The following TANGO6 variants were observed in gnomAD, a reference collection of about 807,000 sequenced individuals.
TANGO6 encodes transport and golgi organization 6 homolog.
A neutral mutation model predicts 114.2 loss-of-function variants in TANGO6; 90 were observed. That is an observed-to-expected ratio of 0.79 (90% CI 0.66 to 0.94). The LOEUF (loss-of-function observed/expected upper bound fraction) is 0.94. Ranked by LOEUF, TANGO6 falls within the 40% of genes least tolerant of loss-of-function variation. The pLI is 0.00. For missense variants in TANGO6, 1,274 were observed against 1,315.3 expected (o/e 0.97, Z 0.49); for synonymous variants, 477 against 509.8 (o/e 0.94, Z 0.87).
At chr16:69,010,857 T>C (rs1161503875) in intron 15 of TANGO6, among the ~76,000 whole-genome samples, 1 of 152,256 alleles carries the variant, frequency 6.6e-6, no homozygotes, top group Non-Finnish European at 1.5e-5. Flanking sequence ...AGATATTTCT[T>C]AAACTGCAGT....
At chr16:68,903,615 C>G (rs1053546182) in intron 9 of TANGO6, among the ~76,000 whole-genome samples, 2 of 59,250 alleles carry the variant, frequency 3.4e-5, no homozygotes, top group Non-Finnish European at 6.6e-5. Flanking sequence ...GAGACCATCT[C>G]AAAAAAAAAA....
chr16:68,924,613 C>A (rs540527896), intron 12 of TANGO6, among the ~76,000 whole-genome samples: 1 of 151,894 alleles, frequency 6.6e-6, no homozygotes, highest in Admixed American at 6.6e-5. Context: ...AATGGCAAAA[C>A]CCCATCTCTA....
At chr16:68,985,926 C>A (rs1963885018) in intron 15 of TANGO6, among the ~76,000 whole-genome samples, 1 of 152,044 alleles carries the variant, frequency 6.6e-6, no homozygotes, top group Non-Finnish European at 1.5e-5. Context: ...TAACCCTGAC[C>A]AGCCATCTCC....
chr16:68,962,767 A>C (rs938499422), intron 14 of TANGO6, among the ~76,000 whole-genome samples: 1 of 151,648 alleles, frequency 6.6e-6, no homozygotes. Flanking sequence ...GTCTCAAAAA[A>C]ATAATAATAA....
chr16:68,863,451 A>G (rs934667518), intron 3 of TANGO6, among the ~76,000 whole-genome samples: 2 of 152,074 alleles, frequency 1.3e-5, no homozygotes, highest in African/African-American at 4.8e-5. Flanking sequence ...CTAACAATAC[A>G]AAAAAACAAT....
At chr16:68,981,987 GGAGACAC>G (rs1963840551) in intron 15 of TANGO6, among the ~76,000 whole-genome samples, 1 of 152,180 alleles carries the variant, frequency 6.6e-6, no homozygotes, top group South Asian at 2.1e-4. Flanking sequence ...GGCAATGTCT[GGAGACAC>G]TTTTGGTTGT....
intron 14 of TANGO6, among the ~76,000 whole-genome samples, chr16:68,971,181 C>T (rs936937353): frequency 6.6e-6 from 1 of 151,476 alleles, no homozygotes; most frequent in Non-Finnish European, 1.5e-5. Context: ...GTTATGATAG[C>T]TGCAAATCTG....
intron 17 of TANGO6, among the ~76,000 whole-genome samples, chr16:69,081,833 T>A (rs1236597616): frequency 1.0e-5 from 1 of 99,058 alleles, no homozygotes; most frequent in Non-Finnish European, 2.0e-5. Context: ...AGTAGCAGAC[T>A]TTTTTTTTTT....
chr16:69,002,240 T>C (rs1964050918), intron 15 of TANGO6, among the ~76,000 whole-genome samples: 1 of 152,072 alleles, frequency 6.6e-6, no homozygotes, highest in Admixed American at 6.6e-5. Context: ...AATAATTCAG[T>C]TGACTGAGAA....
At position 69,047,388 on chromosome 16, in the gene TANGO6, G is replaced by C. The variant is rs535659416; in HGVS notation, c.3108+6967G>C. ...TGGTTGCCTGTAGTCCTAGCTCCTCGGGAGGCTGAGGCTGGAGAATCACTT... is the reference window on the plus strand; with the variant it reads ...TGGTTGCCTGTAGTCCTAGCTCCTCCGGAGGCTGAGGCTGGAGAATCACTT... On this transcript the variant is annotated intron_variant, in intron 17 of 17. Coordinates refer to ENST00000261778, the MANE Select transcript of TANGO6 (RefSeq NM_024562.2). Among the ~76,000 whole-genome samples, 20 of 151,818 alleles carry C rather than the reference G, an allele frequency of 1.3e-4. 1 individual carries two copies. In the South Asian group the frequency reaches 3.7e-3, roughly 28 times the overall value.
intron 17 of TANGO6, among the ~76,000 whole-genome samples, chr16:69,065,850 A>T (rs554350225): frequency 2.0e-5 from 3 of 152,230 alleles, no homozygotes; most frequent in Non-Finnish European, 1.5e-5. Context: ...CATCAAAGTG[A>T]AAGTTTGGGT....
chr16:68,856,220 G>T (rs1448791288), intron 1 of TANGO6, among the ~76,000 whole-genome samples: 1 of 152,206 alleles, frequency 6.6e-6, no homozygotes, highest in Admixed American at 6.5e-5. Flanking sequence ...CACTAAGTAT[G>T]ATGGTAACTG....
chr16:68,938,216 G>A (rs1363859702), intron 14 of TANGO6, among the ~76,000 whole-genome samples: 2 of 152,214 alleles, frequency 1.3e-5, no homozygotes, highest in African/African-American at 4.8e-5. Flanking sequence ...GTGCATACAT[G>A]CAGACCTAAT....
At chr16:68,984,067 T>C (rs1050067497) in intron 15 of TANGO6, among the ~76,000 whole-genome samples, 5 of 151,960 alleles carry the variant, frequency 3.3e-5, no homozygotes, top group African/African-American at 9.7e-5. Flanking sequence ...AAAATAGCTT[T>C]TGTATGATAG....
intron 7 of TANGO6, among the ~76,000 whole-genome samples, chr16:68,881,293 C>T (rs1429709936): frequency 6.6e-6 from 1 of 152,054 alleles, no homozygotes; most frequent in Non-Finnish European, 1.5e-5. Context: ...GAGAGTGGAT[C>T]ACCTGAGGCC....
At chr16:68,945,037 C>T (rs1390810254) in intron 14 of TANGO6, among the ~76,000 whole-genome samples, 3 of 152,148 alleles carry the variant, frequency 2.0e-5, no homozygotes, top group Non-Finnish European at 4.4e-5. Context: ...ATCCCAGCTA[C>T]TCTGGAGGCA....
At chr16:69,072,859 G>A (rs1008463768) in intron 17 of TANGO6, among the ~76,000 whole-genome samples, 1 of 151,964 alleles carries the variant, frequency 6.6e-6, no homozygotes, top group African/African-American at 2.4e-5. Flanking sequence ...CAGAATACCT[G>A]TGAGTATCCC....
At chr16:68,851,575 A>G (rs1273266909) in intron 1 of TANGO6, among the ~76,000 whole-genome samples, 1 of 152,188 alleles carries the variant, frequency 6.6e-6, no homozygotes, top group Non-Finnish European at 1.5e-5. Context: ...ACTAGTGGAC[A>G]TTTGGGTTGT....
intron 16 of TANGO6, among the ~76,000 whole-genome samples, chr16:69,028,869 AAAAAAG>A (rs1555528706): frequency 1.3e-5 from 2 of 150,710 alleles, no homozygotes; most frequent in East Asian, 3.9e-4. Flanking sequence ...AAAAAAAAAA[AAAAAAG>A]AAAAAGAAAA....
Sources: gnomAD v4.1 joint callset for allele counts (sites outside exome capture counted in the v4.1 genomes callset) on GRCh38, gnomAD v4.1.1 for gene constraint, MANE v1.5 for transcripts, NCBI Gene and HGNC (gene_info 2026-07-23, HGNC 2026-07-21) for gene names.